The following CCBE1 variants were observed in gnomAD, a reference collection of about 807,000 sequenced individuals.
The protein encoded by CCBE1 is collagen and calcium binding EGF domains 1.
CCBE1 carries 37 observed loss-of-function variants against 50.0 expected under a neutral mutation model. The ratio of observed to expected loss-of-function variants is 0.74; its 90% confidence interval spans 0.57 to 0.97. The LOEUF (loss-of-function observed/expected upper bound fraction) is 0.97, where lower values mean the gene tolerates loss of function less well. CCBE1 is among the 50% of genes least tolerant of loss of function. CCBE1 has a pLI of 0.00. For synonymous variants in CCBE1, 234 were observed against 203.7 expected, an observed-to-expected ratio of 1.15 and a Z score of -1.27; for missense variants, 538 against 523.8, an observed-to-expected ratio of 1.03 and a Z score of -0.26.
rs184318329 is a variant in CCBE1 at position 59,484,508 on chromosome 18, G to A, written c.213-4270C>T. On this transcript the variant is annotated intron_variant, in intron 2 of 10. Transcript: ENST00000439986. ...TAAACTTGGGCACTGTGACCTTTAT[G>A]AGCATTTCAAGGGCTTAGGACTGTC... Among the ~76,000 whole-genome samples the A allele has an allele frequency of 3.3e-5, 5 of 152,308 alleles. No homozygotes were observed. In the East Asian group the frequency reaches 9.6e-4, roughly 29 times the overall value.
At chr18:59,519,617 A>C (rs1914514416) in intron 2 of CCBE1, among the ~76,000 whole-genome samples, 2 of 152,204 alleles carry the variant, frequency 1.3e-5, no homozygotes, top group Non-Finnish European at 2.9e-5. Context: ...CTCATTTTGT[A>C]GGTTGCCTGT....
chr18:59,572,660 G>A (rs1284735060), intron 2 of CCBE1, among the ~76,000 whole-genome samples: 1 of 152,166 alleles, frequency 6.6e-6, no homozygotes, highest in Non-Finnish European at 1.5e-5. Flanking sequence ...CCCTTTCAAA[G>A]TTTAGCAAAT....
At chr18:59,616,429 C>G (rs1222260623) in intron 2 of CCBE1, among the ~76,000 whole-genome samples, 1 of 152,202 alleles carries the variant, frequency 6.6e-6, no homozygotes, top group Non-Finnish European at 1.5e-5. Flanking sequence ...AAAGTTGGAT[C>G]AGCTTCAAGT....
intron 2 of CCBE1, among the ~76,000 whole-genome samples, chr18:59,670,719 G>A (rs12457987): frequency 0.028 from 4,259 of 152,148 alleles, 87 homozygotes; most frequent in Non-Finnish European, 0.044. Context: ...AGGCCGAGGC[G>A]GGAGGATCAC....
chr18:59,473,707 C>A lies in CCBE1; in HGVS notation c.266-4100G>T, dbSNP rs1421724841. Among the ~76,000 whole-genome samples, 34 of 144,380 alleles carry A rather than the reference C, an allele frequency of 2.4e-4. No homozygotes were observed. The East Asian group carries it at 6.0e-3, about 26-fold the overall frequency. The allele number at this position is 144,380 out of a possible 152,430, so 94.7% of individuals were successfully genotyped here. A position where few individuals can be genotyped will look rare whatever the true frequency, so the allele number is the denominator to read the frequency against. On this transcript the variant is annotated intron_variant, in intron 3 of 10. Coordinates refer to ENST00000439986, the MANE Select transcript of CCBE1 (RefSeq NM_133459.4). ...CCATCCAACCCTCCCACTACTCCCC[C>A]CCTACTACTCACCTTCCAACCCTCC...
At chr18:59,468,147 G>C (rs565664036) in intron 4 of CCBE1, among the ~76,000 whole-genome samples, 59 of 152,190 alleles carry the variant, frequency 3.9e-4, no homozygotes, top group Admixed American at 7.8e-4. Context: ...CAGCGCTTTG[G>C]GGGGGCCAAG....
At chr18:59,474,508 T>C (rs1397538128) in intron 3 of CCBE1, among the ~76,000 whole-genome samples, 1 of 152,232 alleles carries the variant, frequency 6.6e-6, no homozygotes, top group East Asian at 1.9e-4. Flanking sequence ...GAAGTCATTC[T>C]GGAACTCAAG....
At chr18:59,511,118 T>C (rs1440206895) in intron 2 of CCBE1, among the ~76,000 whole-genome samples, 1 of 152,218 alleles carries the variant, frequency 6.6e-6, no homozygotes, top group Non-Finnish European at 1.5e-5. Flanking sequence ...TTCCAGCAGC[T>C]GAAACCCTGA....
At chr18:59,523,555 T>C (rs1914695646) in intron 2 of CCBE1, among the ~76,000 whole-genome samples, 1 of 152,170 alleles carries the variant, frequency 6.6e-6, no homozygotes, top group East Asian at 1.9e-4. Context: ...TCTGGTTCAC[T>C]AAATAGCAGC....
At chr18:59,604,380 C>T (rs1431555483) in intron 2 of CCBE1, among the ~76,000 whole-genome samples, 1 of 152,208 alleles carries the variant, frequency 6.6e-6, no homozygotes. Flanking sequence ...GCTGCATCAT[C>T]TTCCATTTTC....
intron 2 of CCBE1, among the ~76,000 whole-genome samples, chr18:59,489,955 T>C (rs12458382): frequency 0.024 from 3,642 of 150,808 alleles, 139 homozygotes; most frequent in East Asian, 0.2. Context: ...ATGATTATAT[T>C]GTATATGTAT....
intron 2 of CCBE1, among the ~76,000 whole-genome samples, chr18:59,534,570 T>C (rs4940467): frequency 0.28 from 42,307 of 152,138 alleles, 6,081 homozygotes; most frequent in African/African-American, 0.33. Flanking sequence ...TCTCACAGTG[T>C]GGTCTCTAGC....
intron 2 of CCBE1, among the ~76,000 whole-genome samples, chr18:59,668,747 A>G (rs1371666314): frequency 6.6e-6 from 1 of 151,446 alleles, no homozygotes; most frequent in Non-Finnish European, 1.5e-5. Flanking sequence ...GCCTCTGTGC[A>G]AAGTTAGTTT....
intron 2 of CCBE1, among the ~76,000 whole-genome samples, chr18:59,678,106 T>A (rs916615996): frequency 3.3e-5 from 5 of 152,146 alleles, no homozygotes; most frequent in African/African-American, 1.2e-4. Flanking sequence ...GTCGTAAGCA[T>A]GTACAATGCT....
chr18:59,481,769 C>T (rs1912581453), intron 2 of CCBE1, among the ~76,000 whole-genome samples: 1 of 152,050 alleles, frequency 6.6e-6, no homozygotes, highest in African/African-American at 2.4e-5. Flanking sequence ...TTTAAAAAAA[C>T]TAAAAATTCA....
chr18:59,552,338 T>C (rs997471988), intron 2 of CCBE1, among the ~76,000 whole-genome samples: 5 of 152,220 alleles, frequency 3.3e-5, no homozygotes, highest in African/African-American at 1.2e-4. Flanking sequence ...CACGCCTTTG[T>C]GTATTATGAA....
rs1380529126 is a variant in CCBE1 at position 59,583,698 on chromosome 18, C to T, written c.213-103460G>A. 5.7e-4 allele frequency among the ~76,000 whole-genome samples: 76 copies of T among 133,318 alleles called. 1 individual carries two copies. Among genetic ancestry groups the T allele is most frequent in the Admixed American group, 2.1e-3 (27 of 12,890 alleles). The allele number at this position is 133,318 out of a possible 152,430, so 87.5% of individuals were successfully genotyped here. ...GTGTGTGTGCGCGCGCGCGCGCGCG[C>T]GCGTGTGTGTGTATGTCTGCGACTA... On this transcript the variant is annotated intron_variant, in intron 2 of 10. Coordinates refer to ENST00000439986, the MANE Select transcript of CCBE1 (RefSeq NM_133459.4).
intron 2 of CCBE1, among the ~76,000 whole-genome samples, chr18:59,486,319 CT>C (rs1568165744): frequency 2.6e-5 from 4 of 152,176 alleles, no homozygotes. Context: ...TGACTCATCT[CT>C]TTCTTTCCAC....
chr18:59,598,953 G>A lies in CCBE1; in HGVS notation c.212+97676C>T, dbSNP rs566764686. On this transcript the variant is annotated intron_variant, in intron 2 of 10. Transcript: ENST00000439986. Reference sequence around the variant, plus strand: ...ACAGAGGTGGGCAGAGACCAAAGATGGAGAAACATCAAATCCTTGTGATGC... The same window carrying A: ...ACAGAGGTGGGCAGAGACCAAAGATAGAGAAACATCAAATCCTTGTGATGC... Among the ~76,000 whole-genome samples the A allele has an allele frequency of 2.0e-5, 3 of 152,264 alleles. No individual in the cohort carries two copies. In the South Asian group the frequency reaches 6.2e-4, roughly 32 times the overall value.
Sources: allele counts gnomAD v4.1 joint callset (sites outside exome capture counted in the v4.1 genomes callset), GRCh38; gene constraint gnomAD v4.1.1; transcripts MANE v1.5; gene names NCBI Gene and HGNC (gene_info 2026-07-23, HGNC 2026-07-21).